The following PARP8 variants were observed in gnomAD, a reference collection of about 807,000 sequenced individuals.
PARP8 encodes the protein protein mono-ADP-ribosyltransferase PARP8.
In PARP8, 51 loss-of-function variants were observed where a neutral mutation model predicts 124.1. The observed-to-expected ratio is 0.41, with a 90% CI of 0.33 to 0.52. The LOEUF is 0.52. PARP8 is among the 20% of genes least tolerant of loss of function. The pLI is 0.21. For synonymous variants in PARP8, 391 were observed against 361.5 expected, an observed-to-expected ratio of 1.08 and a Z score of -0.93; for missense variants, 860 against 1,018.9, an observed-to-expected ratio of 0.84 and a Z score of 2.12.
At chr5:50,777,059 A>G (rs1740113596) in intron 7 of PARP8, among the ~76,000 whole-genome samples, 1 of 152,154 alleles carries the variant, frequency 6.6e-6, no homozygotes, top group African/African-American at 2.4e-5. Flanking sequence ...TTAATGCTTG[A>G]CCTGGTTTCC....
At chr5:50,763,633 T>TA (rs201812514) in intron 7 of PARP8, among the ~76,000 whole-genome samples, 6,958 of 142,762 alleles carry the variant, frequency 0.049, 170 homozygotes, top group African/African-American at 0.068. Context: ...ATCTGGTCCC[T>TA]AAAAAAAAAA....
At chr5:50,704,552 A>G (rs1351651295) in intron 2 of PARP8, among the ~76,000 whole-genome samples, 1 of 152,200 alleles carries the variant, frequency 6.6e-6, no homozygotes, top group African/African-American at 2.4e-5. Context: ...GCCACTAGCC[A>G]AAAGTGGCTT....
chr5:50,820,769 T>G (rs962019613), intron 15 of PARP8, among the ~76,000 whole-genome samples: 5 of 152,252 alleles, frequency 3.3e-5, no homozygotes, highest in African/African-American at 1.2e-4. Context: ...TCTAAAACAA[T>G]GTCCCTTTCT....
chr5:50,833,401 A>G (rs1409320678), intron 23 of PARP8: 1 of 454,468 alleles, frequency 2.2e-6, no homozygotes, highest in South Asian at 1.6e-5. Context: ...ATGACCATCA[A>G]TCCCATGTTG....
rs1428079916 is a variant in PARP8 at position 50,832,538 on chromosome 5, T to C, written c.2234-243T>C. On this transcript the variant is annotated intron_variant, in intron 22 of 25. Coordinates refer to ENST00000281631, the MANE Select transcript of PARP8 (RefSeq NM_024615.4). The stretch of plus-strand genomic sequence containing the variant: ...TCAAGTTTTAAGAATTTTTAAATTA[T>C]ATTAATTTTATGCAGAAGAATTTTC... Among the ~76,000 whole-genome samples the C allele has an allele frequency of 2.6e-5, 4 of 152,206 alleles. No homozygotes were observed. In the East Asian group the frequency reaches 7.7e-4, roughly 29 times the overall value.
At chr5:50,717,675 C>G (rs1755462001) in intron 2 of PARP8, among the ~76,000 whole-genome samples, 1 of 151,932 alleles carries the variant, frequency 6.6e-6, no homozygotes, top group Non-Finnish European at 1.5e-5. Context: ...GCAGTTGAAA[C>G]TAAGGAAGGA....
chr5:50,764,451 G>A (rs1418488608), intron 7 of PARP8, among the ~76,000 whole-genome samples: 2 of 152,168 alleles, frequency 1.3e-5, no homozygotes, highest in African/African-American at 4.8e-5. Flanking sequence ...TTTCAATTGG[G>A]AAGTATGGCA....
Position 50,732,638 on chromosome 5 carries a change from A to C in PARP8, c.147-17513A>C, listed in dbSNP as rs188616975. On this transcript the variant is annotated intron_variant, in intron 2 of 25. Coordinates refer to ENST00000281631, the MANE Select transcript of PARP8 (RefSeq NM_024615.4). ...TTTTTCTTTTTTTCCTTTTTTTTTG[A>C]GATGGAGTCTCGCTCTGTGGTCCAA... is the stretch of plus-strand genomic sequence containing the variant. Among the ~76,000 whole-genome samples the C allele has an allele frequency of 9.1e-4, 137 of 151,312 alleles. 1 individual carries two copies. Among genetic ancestry groups the C allele is most frequent in the African/African-American group, 2.9e-3 (118 of 41,198 alleles).
At chr5:50,739,726 ATATATATTT>A (rs1365208748) in intron 2 of PARP8, among the ~76,000 whole-genome samples, 3 of 105,134 alleles carry the variant, frequency 2.9e-5, no homozygotes, top group Non-Finnish European at 5.8e-5. Context: ...ATATATATAT[ATATATATTT>A]TTTTTTTTTT....
rs1201516880 is a variant in PARP8, at chr5:50,843,520, T to C, written c.*1452T>C. On this transcript the variant is annotated 3_prime_UTR_variant, in exon 26 of 26. Transcript: ENST00000281631. ...GGAAGTGTTTTCTAATAATTTGTTT[T>C]GTTATATTGCAAATAATTGATATGC... The C allele has an allele frequency of 2.6e-5, 4 of 151,822 alleles. No homozygotes were observed. Among genetic ancestry groups the C allele is most frequent in the African/African-American group, 9.7e-5 (4 of 41,396 alleles). 9.4% of individuals were successfully genotyped at this position (151,822 alleles called of 1,614,324 possible).
chr5:50,779,913 A>ATTAG (rs1299444465), intron 9 of PARP8, among the ~76,000 whole-genome samples: 1 of 152,172 alleles, frequency 6.6e-6, no homozygotes, highest in African/African-American at 2.4e-5. Flanking sequence ...ATTTAAATTA[A>ATTAG]TGCATAATAT....
intron 9 of PARP8, among the ~76,000 whole-genome samples, chr5:50,784,190 T>G (rs1380030740): frequency 6.6e-6 from 1 of 152,150 alleles, no homozygotes; most frequent in African/African-American, 2.4e-5. Flanking sequence ...TTCCTACATT[T>G]TGGAAATGTA....
chr5:50,833,051 C>A (rs917928316), intron 23 of PARP8, among the ~76,000 whole-genome samples, 197 bp downstream of exon 23: 2 of 152,164 alleles, frequency 1.3e-5, no homozygotes, highest in African/African-American at 4.8e-5. Context: ...ATTTATTTAT[C>A]TCCCACTATA....
chr5:50,777,138 G>A (rs1246975742), intron 7 of PARP8, among the ~76,000 whole-genome samples: 1 of 152,158 alleles, frequency 6.6e-6, no homozygotes, highest in Non-Finnish European at 1.5e-5. Context: ...CTGCTATAGA[G>A]TGATGATTGA....
At chr5:50,769,234 A>G (rs1364861602) in intron 7 of PARP8, among the ~76,000 whole-genome samples, 2 of 152,158 alleles carry the variant, frequency 1.3e-5, no homozygotes, top group Admixed American at 6.5e-5. Flanking sequence ...AGTAATCTGA[A>G]AAACTATTTA....
At chr5:50,828,496 A>G in intron 21 of PARP8, 112 bp downstream of exon 21, 3 of 893,612 alleles carry the variant, frequency 3.4e-6, no homozygotes, top group Non-Finnish European at 5.3e-6. Flanking sequence ...TGAGTAAGAC[A>G]TTATATGGAA....
At chr5:50,773,147 T>C (rs1381073340) in intron 7 of PARP8, among the ~76,000 whole-genome samples, 1 of 152,232 alleles carries the variant, frequency 6.6e-6, no homozygotes, top group Non-Finnish European at 1.5e-5. Context: ...AGGTTGTCTC[T>C]TCACTATGTT....
chr5:50,830,172 T>C lies in PARP8; in HGVS notation c.2233+211T>C, dbSNP rs77429610. Among the ~76,000 whole-genome samples, 333 of 152,286 alleles carry C rather than the reference T, an allele frequency of 2.2e-3. 2 individuals are homozygous for C. The highest frequency in any genetic ancestry group is 3.6e-3 in the Non-Finnish European group (244 of 68,014). On this transcript the variant is annotated intron_variant, in intron 22 of 25. Transcript: ENST00000281631. ...CAAGATGGAATATATGTTTCATCAA[T>C]TTAAAAAAATATTTAATATTCCTTA... is the stretch of plus-strand genomic sequence containing the variant.
intron 9 of PARP8, among the ~76,000 whole-genome samples, chr5:50,787,886 CAT>C (rs1256742727): frequency 2.7e-5 from 4 of 149,978 alleles, no homozygotes; most frequent in Admixed American, 1.3e-4. Context: ...CCGATTTAAA[CAT>C]ATATATGTTA....
Sources: gnomAD v4.1 joint callset for allele counts (sites outside exome capture counted in the v4.1 genomes callset) on GRCh38, gnomAD v4.1.1 for gene constraint, MANE v1.5 for transcripts, NCBI Gene and HGNC (gene_info 2026-07-23, HGNC 2026-07-21) for gene names.